IL7R: variants seen among roughly 807,000 people sequenced by gnomAD.
IL7R encodes interleukin-7 receptor subunit alpha.
In IL7R, 38 loss-of-function variants were observed where a neutral mutation model predicts 47.0. The observed-to-expected ratio is 0.81, with a 90% CI of 0.62 to 1.06. IL7R has a LOEUF of 1.06. Ranked by LOEUF, IL7R falls within the 50% of genes least tolerant of loss-of-function variation. IL7R has a pLI of 0.00. For missense variants in IL7R, 633 were observed against 534.8 expected, an observed-to-expected ratio of 1.18 and a Z score of -1.81; for synonymous variants, 221 against 199.8, an observed-to-expected ratio of 1.11 and a Z score of -0.89.
At chr5:35,864,028 G>A (rs1006200550) in intron 2 of IL7R, among the ~76,000 whole-genome samples, 1 of 152,026 alleles carries the variant, frequency 6.6e-6, no homozygotes, top group African/African-American at 2.4e-5. Flanking sequence ...GATGCTTCAT[G>A]TTCCTTTCCA....
chr5:35,869,491 GA>G (rs1453685716), intron 3 of IL7R, among the ~76,000 whole-genome samples: 1 of 152,200 alleles, frequency 6.6e-6, no homozygotes, highest in African/African-American at 2.4e-5. Context: ...CAGAATCAAA[GA>G]ACTGGATTTG....
chr5:35,870,960 A>C (rs1252465632), intron 3 of IL7R, 96 bp from the exon 4 acceptor site: 13 of 1,084,462 alleles, frequency 1.2e-5, no homozygotes, highest in Non-Finnish European at 1.8e-5. Context: ...TGACACAAAA[A>C]GGGTCAAAGT....
At position 35,867,977 on chromosome 5, in the gene IL7R, A is replaced by T. The variant is rs184730478; in HGVS notation, c.379+514A>T. 7.9e-5 allele frequency among the ~76,000 whole-genome samples: 12 copies of T among 152,354 alleles called. No individual in the cohort carries two copies. In the East Asian group the frequency reaches 2.3e-3, roughly 29 times the overall value. On this transcript the variant is annotated intron_variant, in intron 3 of 7. Coordinates refer to ENST00000303115, the MANE Select transcript of IL7R (RefSeq NM_002185.5). ...ATCATTGATAGGAGAGATTTCTATTAAGAAATTGACTTTTGTGGTTGTGGG... is the reference window on the plus strand; with the variant it reads ...ATCATTGATAGGAGAGATTTCTATTTAGAAATTGACTTTTGTGGTTGTGGG...
At position 35,876,665 on chromosome 5, in the gene IL7R, A is replaced by G. The variant is rs140969613; in HGVS notation, c.*179A>G. ...CTCTTCCTGAGTTCAGTGGCACTCA[A>G]CATGAGTCAAGAGCATCCTGCTTCT... On this transcript the variant is annotated 3_prime_UTR_variant, in exon 8 of 8. Transcript: ENST00000303115. 207 of 684,228 alleles carry G rather than the reference A, an allele frequency of 3.0e-4. No homozygotes were observed. Among genetic ancestry groups the G allele is most frequent in the African/African-American group, 2.9e-3 (161 of 56,382 alleles). The allele number at this position is 684,228 out of a possible 1,614,324, so 42.4% of individuals were successfully genotyped here.
At chr5:35,865,456 C>G (rs1202824243) in intron 2 of IL7R, among the ~76,000 whole-genome samples, 1 of 152,110 alleles carries the variant, frequency 6.6e-6, no homozygotes, top group Non-Finnish European at 1.5e-5. Context: ...ATGATTTATA[C>G]TCCTTTGGGT....
intron 2 of IL7R, among the ~76,000 whole-genome samples, chr5:35,863,048 T>C (rs1247720945): frequency 6.6e-6 from 1 of 152,030 alleles, no homozygotes; most frequent in African/African-American, 2.4e-5. Context: ...CTGTTCCAAG[T>C]TGGGAAAGCC....
rs200233367 is a variant in IL7R at position 35,871,157 on chromosome 5, A to G, written c.481A>G (p.Lys161Glu). The change falls in exon 4 of 8, where the codon AAA (lysine) becomes GAA (glutamate). Residue 161 changes from lysine to glutamate, a missense_variant. Physicochemically the swap from Lys to Glu is moderately conservative, Grantham distance 56. Transcript: ENST00000303115. ...NTSHLQKKYV[K>E]VLMHDVAYRQ... ...ATCACACTTGCAAAAGAAGTATGTA[A>G]AAGTTTTAATGCACGATGTAGCTTA... 1 of 1,613,484 alleles carries G rather than the reference A, an allele frequency of 6.2e-7. No homozygotes were observed. Among genetic ancestry groups the G allele is most frequent in the Non-Finnish European group, 8.5e-7 (1 of 1,179,410 alleles).
At position 35,876,818 on chromosome 5, in the gene IL7R, G is replaced by A. The variant is rs200134977; in HGVS notation, c.*332G>A. On this transcript the variant is annotated 3_prime_UTR_variant, in exon 8 of 8. Coordinates refer to ENST00000303115, the MANE Select transcript of IL7R (RefSeq NM_002185.5). ...AGGAAGGCAGGAAGAGAGCATGAGAGGAAAGAAAGAAAGGAAAATAAAAAA... is the reference window on the plus strand; with the variant it reads ...AGGAAGGCAGGAAGAGAGCATGAGAAGAAAGAAAGAAAGGAAAATAAAAAA... 3 of 360,760 alleles carry A rather than the reference G, an allele frequency of 8.3e-6. No homozygotes were observed. Among genetic ancestry groups the A allele is most frequent in the East Asian group, 4.4e-5 (1 of 22,710 alleles). 22.3% of individuals were successfully genotyped at this position (360,760 alleles called of 1,614,324 possible).
intron 1 of IL7R, among the ~76,000 whole-genome samples, chr5:35,858,382 A>G (rs1759716307): frequency 6.6e-6 from 1 of 152,164 alleles, no homozygotes; most frequent in Non-Finnish European, 1.5e-5. Context: ...AAGAGAAGAA[A>G]GGGATACTTT....
At position 35,876,288 on chromosome 5, in the gene IL7R, C is replaced by A. The variant is rs563086691; in HGVS notation, c.1182C>A (p.Gly394=). The part of the protein sequence containing the change: ...SSRSLDCRES[G]KNGPHVYQDL... ...GGTCCCTAGACTGCAGGGAGAGTGG[C>A]AAGAATGGGCCTCATGTGTACCAGG... Residue 394 remains glycine (G), a synonymous_variant, in exon 8 of 8, where the codon GGC becomes GGA. Coordinates refer to ENST00000303115, the MANE Select transcript of IL7R (RefSeq NM_002185.5). 2 of 1,613,934 alleles carry A rather than the reference C, an allele frequency of 1.2e-6. No homozygotes were observed. Among genetic ancestry groups the A allele is most frequent in the Admixed American group, 1.7e-5 (1 of 59,998 alleles).
At chr5:35,859,520 C>T (rs952923406) in intron 1 of IL7R, among the ~76,000 whole-genome samples, 1 of 152,166 alleles carries the variant, frequency 6.6e-6, no homozygotes, top group Admixed American at 6.5e-5. Context: ...GGTGGCAGAA[C>T]TGTGAACTGG....
At position 35,875,595 on chromosome 5, in the gene IL7R, T is replaced by C. The variant is rs756911243; in HGVS notation, c.876+8T>C. 6.3e-7 allele frequency: 1 copy of C among 1,598,164 alleles called. No individual in the cohort carries two copies. The highest frequency in any genetic ancestry group is 1.1e-5 in the South Asian group (1 of 90,656). On this transcript the variant is annotated splice_region_variant and intron_variant, in intron 7 of 7. Transcript: ENST00000303115. ...TGTAAGAAACCAAGAAAAGTGAGTG[T>C]TTTTGGTGCTTAAAAAGTGTTGTGT...
chr5:35,868,083 G>A (rs370599688), intron 3 of IL7R, among the ~76,000 whole-genome samples: 6 of 152,178 alleles, frequency 3.9e-5, no homozygotes, highest in South Asian at 2.1e-4. Flanking sequence ...CCTAAATTCC[G>A]CAGGGCAAGA....
At position 35,878,125 on chromosome 5, in the gene IL7R, T is replaced by G; in HGVS notation, c.*1639T>G. 1 of 233,326 alleles carries G rather than the reference T, an allele frequency of 4.3e-6. No homozygotes were observed. The highest frequency in any genetic ancestry group is 8.5e-6 in the Non-Finnish European group (1 of 118,054). The allele number at this position is 233,326 out of a possible 1,614,324, so 14.5% of individuals were successfully genotyped here. A position where few individuals can be genotyped will look rare whatever the true frequency, so the allele number is the denominator to read the frequency against. ...TAACTGTGGATGAATGGACCTTATC[T>G]GTTGGCTTAAAGGACTGGTAAGATC... On this transcript the variant is annotated 3_prime_UTR_variant, in exon 8 of 8. Transcript: ENST00000303115.
At chr5:35,869,700 A>G (rs1043556558) in intron 3 of IL7R, among the ~76,000 whole-genome samples, 2 of 152,150 alleles carry the variant, frequency 1.3e-5, no homozygotes, top group Non-Finnish European at 2.9e-5. Flanking sequence ...TCAGCTCAGA[A>G]GGCCTTGTTG....
chr5:35,871,008 T>C (rs556527549), intron 3 of IL7R, 48 bp from the exon 4 acceptor site: 1 of 1,554,524 alleles, frequency 6.4e-7, no homozygotes, highest in East Asian at 2.2e-5. Flanking sequence ...ACTATAATTA[T>C]TTCCTTGGCT....
At chr5:35,863,326 G>A (rs11567717) in intron 2 of IL7R, among the ~76,000 whole-genome samples, 5,270 of 152,202 alleles carry the variant, frequency 0.035, 281 homozygotes, top group African/African-American at 0.12. Flanking sequence ...AACCAAAGGT[G>A]AAAGATTCTG....
intron 7 of IL7R, 150 bp from the exon 8 acceptor site, chr5:35,875,833 G>A (rs1053361159): frequency 2.2e-6 from 2 of 918,932 alleles, no homozygotes; most frequent in South Asian, 1.4e-5. Flanking sequence ...TGTCTCAGAA[G>A]CTCCAGAAGC....
Position 35,875,972 on chromosome 5 carries a change from T to C in IL7R, c.877-11T>C. 6.2e-7 allele frequency: 1 copy of C among 1,609,864 alleles called. No homozygotes were observed. Among genetic ancestry groups the C allele is most frequent in the Non-Finnish European group, 8.5e-7 (1 of 1,179,940 alleles). Reference sequence around the variant, plus strand: ...TGCCATCTTAATACCCTTTCTCCTTTTTCTGTGCAGAATTTAAATGTGAGT... The same window carrying C: ...TGCCATCTTAATACCCTTTCTCCTTCTTCTGTGCAGAATTTAAATGTGAGT... On this transcript the variant is annotated splice_polypyrimidine_tract_variant and intron_variant, in intron 7 of 7. Transcript: ENST00000303115.
Sources: gnomAD v4.1 joint callset for allele counts (sites outside exome capture counted in the v4.1 genomes callset) on GRCh38, gnomAD v4.1.1 for gene constraint, MANE v1.5 for transcripts, NCBI Gene and HGNC (gene_info 2026-07-23, HGNC 2026-07-21) for gene names.